The following SLC4A10 variants were observed in gnomAD, a reference collection of about 807,000 sequenced individuals.
SLC4A10 encodes solute carrier family 4 member 10, also known as sodium-driven chloride bicarbonate exchanger.
A neutral mutation model predicts 137.7 loss-of-function variants in SLC4A10; 42 were observed. The observed-to-expected ratio is 0.30, with a 90% confidence interval of 0.24 to 0.39. The LOEUF is 0.39. Ranked by LOEUF, SLC4A10 falls within the 10% of genes least tolerant of loss-of-function variation. SLC4A10 has a pLI of 1.00. For synonymous variants in SLC4A10, 474 were observed against 464.1 expected (o/e 1.02, Z -0.27); for missense variants, 925 against 1,355.0 (o/e 0.68, Z 4.98).
intron 4 of SLC4A10, among the ~76,000 whole-genome samples, chr2:161,845,323 A>G (rs543667322): frequency 1.3e-5 from 2 of 152,236 alleles, no homozygotes; most frequent in South Asian, 4.1e-4. Context: ...TGGAGCTGGC[A>G]TAGAGCACTG....
chr2:161,984,482 A>G lies in SLC4A10; in HGVS notation c.*1330A>G, dbSNP rs764578969. 1 of 152,096 alleles carries G rather than the reference A, an allele frequency of 6.6e-6. No homozygotes were observed. The highest frequency in any genetic ancestry group is 1.5e-5 in the Non-Finnish European group (1 of 67,984). 9.4% of individuals were successfully genotyped at this position (152,096 alleles called of 1,614,324 possible). A position where few individuals can be genotyped will look rare whatever the true frequency, so the allele number is the denominator to read the frequency against. On this transcript the variant is annotated 3_prime_UTR_variant, in exon 27 of 27. Transcript: ENST00000446997. ...TAATCATCAACTTTATAATACTCCAATATTCCGTTTTATAATAATTCAGAG... is the reference window on the plus strand; with the variant it reads ...TAATCATCAACTTTATAATACTCCAGTATTCCGTTTTATAATAATTCAGAG...
chr2:161,926,940 A>G (rs1478300593), intron 15 of SLC4A10, among the ~76,000 whole-genome samples: 2 of 151,926 alleles, frequency 1.3e-5, no homozygotes, highest in Non-Finnish European at 1.5e-5. Context: ...TGTTAGTCTG[A>G]TGGGCTTCCC....
intron 1 of SLC4A10, among the ~76,000 whole-genome samples, chr2:161,666,053 A>G (rs1332481545): frequency 6.6e-6 from 1 of 151,006 alleles, no homozygotes; most frequent in Non-Finnish European, 1.5e-5. Flanking sequence ...CCTTACCTAT[A>G]AGTGAACATA....
At chr2:161,637,237 G>C (rs2034592155) in intron 1 of SLC4A10, among the ~76,000 whole-genome samples, 1 of 150,826 alleles carries the variant, frequency 6.6e-6, no homozygotes, top group Non-Finnish European at 1.5e-5. Context: ...TCACTCTGTT[G>C]TCCAGGCTGG....
chr2:161,910,028 TA>T (rs557949893), intron 15 of SLC4A10, among the ~76,000 whole-genome samples: 208 of 152,294 alleles, frequency 1.4e-3, no homozygotes, highest in African/African-American at 3.9e-3. Context: ...ATGTTATAGC[TA>T]GAACATAATA....
At chr2:161,698,194 A>T (rs548346982) in intron 1 of SLC4A10, among the ~76,000 whole-genome samples, 27 of 152,350 alleles carry the variant, frequency 1.8e-4, no homozygotes, top group African/African-American at 6.5e-4. Flanking sequence ...TTCCCAGCTT[A>T]AGGAGATTTT....
At chr2:161,839,110 A>G (rs752158275) in intron 3 of SLC4A10, among the ~76,000 whole-genome samples, 4 of 152,258 alleles carry the variant, frequency 2.6e-5, no homozygotes, top group Non-Finnish European at 4.4e-5. Flanking sequence ...CATTCCTGCA[A>G]TGGACTGTTA....
Position 161,703,251 on chromosome 2 carries a change from T to C in SLC4A10, c.49-67722T>C, listed in dbSNP as rs370969608. ...GTTTATTACACTGTTATTTATAATA[T>C]TGAAAAATGGAAAAAATGGGAAAGT... On this transcript the variant is annotated intron_variant, in intron 1 of 26. Coordinates refer to ENST00000446997, the MANE Select transcript of SLC4A10 (RefSeq NM_001178015.2). 8.6e-5 allele frequency among the ~76,000 whole-genome samples: 13 copies of C among 151,768 alleles called. No individual in the cohort carries two copies. In the East Asian group the frequency reaches 1.5e-3, roughly 18 times the overall value.
At chr2:161,646,904 T>G (rs1025801476) in intron 1 of SLC4A10, among the ~76,000 whole-genome samples, 1 of 152,054 alleles carries the variant, frequency 6.6e-6, no homozygotes, top group Non-Finnish European at 1.5e-5. Context: ...GTATTGTTTC[T>G]GAAATTTTCA....
At chr2:161,819,902 A>T (rs1003254354) in intron 3 of SLC4A10, among the ~76,000 whole-genome samples, 3 of 152,222 alleles carry the variant, frequency 2.0e-5, no homozygotes, top group Non-Finnish European at 4.4e-5. Flanking sequence ...TTTGAAGCAT[A>T]AGCTTGAAGT....
chr2:161,729,427 G>T (rs2046596428), intron 1 of SLC4A10, among the ~76,000 whole-genome samples: 1 of 152,048 alleles, frequency 6.6e-6, no homozygotes, highest in African/African-American at 2.4e-5. Flanking sequence ...ATTTTTTGAG[G>T]TGATAGAACT....
chr2:161,851,798 G>A (rs1169803114), intron 4 of SLC4A10, among the ~76,000 whole-genome samples: 5 of 152,168 alleles, frequency 3.3e-5, no homozygotes, highest in African/African-American at 1.2e-4. Context: ...CACTTAAGTA[G>A]TTAAGAAACA....
chr2:161,682,668 C>T (rs2040988420), intron 1 of SLC4A10, among the ~76,000 whole-genome samples: 1 of 151,736 alleles, frequency 6.6e-6, no homozygotes, highest in Non-Finnish European at 1.5e-5. Flanking sequence ...CTGTGGGTTC[C>T]ATGTGTGTGG....
rs1310482578 is a variant in SLC4A10 at position 161,965,186 on chromosome 2, T to C, written c.3159+13T>C. 2.5e-6 allele frequency: 4 copies of C among 1,596,378 alleles called. No individual in the cohort carries two copies. Among genetic ancestry groups the C allele is most frequent in the Non-Finnish European group, 3.4e-6 (4 of 1,170,290 alleles). ...TGCTGAAAAAGAAGTAAGAGCAAAA[T>C]CAATGTTTTATAAAGAAAGAAAAAA... On this transcript the variant is annotated intron_variant, in intron 23 of 26. Transcript: ENST00000446997.
At chr2:161,821,972 A>G (rs1379731732) in intron 3 of SLC4A10, among the ~76,000 whole-genome samples, 1 of 152,160 alleles carries the variant, frequency 6.6e-6, no homozygotes, top group Non-Finnish European at 1.5e-5. Flanking sequence ...CTATTTCAAT[A>G]AATTATTATT....
intron 7 of SLC4A10, 128 bp downstream of exon 7, chr2:161,872,512 A>G: frequency 1.6e-6 from 1 of 620,552 alleles, no homozygotes; most frequent in Non-Finnish European, 2.7e-6. Flanking sequence ...TGATATTGTT[A>G]CAGAAAATGT....
chr2:161,828,942 A>G (rs1461180092), intron 3 of SLC4A10, among the ~76,000 whole-genome samples: 2 of 149,826 alleles, frequency 1.3e-5, no homozygotes, highest in Admixed American at 1.3e-4. Context: ...TATTAGAATA[A>G]TTCTATTAGA....
At chr2:161,838,226 G>T (rs897311982) in intron 3 of SLC4A10, among the ~76,000 whole-genome samples, 13 of 151,802 alleles carry the variant, frequency 8.6e-5, no homozygotes, top group Non-Finnish European at 1.5e-5. Flanking sequence ...TCTTTTATTT[G>T]GGTCTTTTCC....
In SLC4A10 at chr2:161,726,606, G is replaced by A. The variant is rs73003498; in HGVS notation, c.49-44367G>A. On this transcript the variant is annotated intron_variant, in intron 1 of 26. Transcript: ENST00000446997. ...GTGACACAACCTGAAAAGGCACCAGGTACCTTTGTAAGAGAGAATTCGCCG... is the reference window on the plus strand; with the variant it reads ...GTGACACAACCTGAAAAGGCACCAGATACCTTTGTAAGAGAGAATTCGCCG... 6.1e-3 allele frequency among the ~76,000 whole-genome samples: 935 copies of A among 152,254 alleles called. 9 individuals carry two copies. Among genetic ancestry groups the A allele is most frequent in the African/African-American group, 0.021 (888 of 41,554 alleles).
Sources: gnomAD v4.1 joint callset for allele counts (sites outside exome capture counted in the v4.1 genomes callset) on GRCh38, gnomAD v4.1.1 for gene constraint, MANE v1.5 for transcripts, NCBI Gene and HGNC (gene_info 2026-07-23, HGNC 2026-07-21) for gene names.